TMEM135: variants seen among roughly 807,000 people sequenced by gnomAD.
TMEM135 encodes peroxisomal membrane protein 52.
In TMEM135, 30 loss-of-function variants were observed where a neutral mutation model predicts 60.3. The ratio of observed to expected loss-of-function variants is 0.50; its 90% CI spans 0.37 to 0.68. The LOEUF (loss-of-function observed/expected upper bound fraction) is 0.68, where lower values mean the gene tolerates loss of function less well. Ranked by LOEUF, TMEM135 falls within the 30% of genes least tolerant of loss-of-function variation. The pLI is 0.00. For missense variants in TMEM135, 468 were observed against 548.8 expected (o/e 0.85, Z 1.47); for synonymous variants, 190 against 186.7 (o/e 1.02, Z -0.14).
intron 5 of TMEM135, among the ~76,000 whole-genome samples, chr11:87,175,194 A>T (rs1383791604): frequency 6.6e-6 from 1 of 152,200 alleles, no homozygotes; most frequent in African/African-American, 2.4e-5. Flanking sequence ...ACAACATATT[A>T]TATTTTGGCA....
intron 5 of TMEM135, among the ~76,000 whole-genome samples, chr11:87,180,850 T>A (rs896845131): frequency 3.3e-5 from 5 of 152,200 alleles, no homozygotes; most frequent in African/African-American, 1.2e-4. Context: ...GCCTTTAGCA[T>A]GACCAAGAGT....
intron 4 of TMEM135, among the ~76,000 whole-genome samples, chr11:87,147,286 A>G (rs1192781763): frequency 6.6e-6 from 1 of 152,170 alleles, no homozygotes; most frequent in African/African-American, 2.4e-5. Context: ...TCGTGCCACT[A>G]CACTCCAGCC....
intron 5 of TMEM135, among the ~76,000 whole-genome samples, chr11:87,228,416 G>A (rs1940813028): frequency 6.6e-6 from 1 of 152,160 alleles, no homozygotes; most frequent in South Asian, 2.1e-4. Flanking sequence ...ATTAATTTTT[G>A]TTGAATGGAT....
intron 5 of TMEM135, among the ~76,000 whole-genome samples, chr11:87,193,101 T>G (rs570748146): frequency 6.6e-6 from 1 of 150,840 alleles, no homozygotes; most frequent in Non-Finnish European, 1.5e-5. Context: ...GGTGACTCCA[T>G]CTCAAAAAAA....
chr11:87,313,595 A>T, intron 11 of TMEM135, 107 bp downstream of exon 11: 2 of 992,756 alleles, frequency 2.0e-6, no homozygotes, highest in Admixed American at 1.9e-5. Flanking sequence ...TCCTTTCTCT[A>T]TCGTAATAGA....
At chr11:87,290,957 GA>G (rs1009952575) in intron 6 of TMEM135, among the ~76,000 whole-genome samples, 4 of 152,130 alleles carry the variant, frequency 2.6e-5, no homozygotes, top group African/African-American at 9.7e-5. Flanking sequence ...CTTTATATTA[GA>G]AAAGAATGTG....
At chr11:87,155,969 A>AAT (rs1938684275) in intron 4 of TMEM135, among the ~76,000 whole-genome samples, 1 of 152,194 alleles carries the variant, frequency 6.6e-6, no homozygotes, top group African/African-American at 2.4e-5. Flanking sequence ...GACAGTATGT[A>AAT]CTGTTTCTAG....
At chr11:87,212,705 C>T (rs1313347071) in intron 5 of TMEM135, among the ~76,000 whole-genome samples, 1 of 151,780 alleles carries the variant, frequency 6.6e-6, no homozygotes, top group Admixed American at 6.6e-5. Flanking sequence ...TGCTTGTGGT[C>T]CCAGCTACTC....
chr11:87,297,405 C>T (rs1353253161), intron 7 of TMEM135, among the ~76,000 whole-genome samples: 3 of 152,106 alleles, frequency 2.0e-5, no homozygotes, highest in Admixed American at 2.0e-4. Flanking sequence ...AGTCATAATA[C>T]ACAACACTAA....
At chr11:87,135,322 G>A (rs1938058917) in intron 4 of TMEM135, among the ~76,000 whole-genome samples, 1 of 151,882 alleles carries the variant, frequency 6.6e-6, no homozygotes, top group Non-Finnish European at 1.5e-5. Context: ...GGTCATAAGA[G>A]TTTCTGCTAT....
Position 87,328,601 on chromosome 11 carries a change from T to A in TMEM135, c.*7268T>A. On this transcript the variant is annotated 3_prime_UTR_variant, in exon 15 of 15. Coordinates refer to ENST00000305494, the MANE Select transcript of TMEM135 (RefSeq NM_022918.4). ...CAGTTGAGAACATACAGAATTTGAT[T>A]TTCTATTCCGGAGTTACTTTACTTA... 2.2e-6 allele frequency: 1 copy of A among 454,070 alleles called. No individual in the cohort carries two copies. Among genetic ancestry groups the A allele is most frequent in the Non-Finnish European group, 4.4e-6 (1 of 226,770 alleles). The allele number at this position is 454,070 out of a possible 1,614,324, so 28.1% of individuals were successfully genotyped here.
chr11:87,166,091 A>G (rs1398995185), intron 5 of TMEM135, among the ~76,000 whole-genome samples: 1 of 151,510 alleles, frequency 6.6e-6, no homozygotes, highest in African/African-American at 2.4e-5. Flanking sequence ...AATTGTGGCA[A>G]TAATCAATAG....
At chr11:87,178,344 G>GCCACAATCTA (rs1249507478) in intron 5 of TMEM135, 1 of 449,368 alleles carries the variant, frequency 2.2e-6, no homozygotes, top group African/African-American at 2.0e-5. Context: ...TTTTTATTAT[G>GCCACAATCTA]CCACAATCTA....
At chr11:87,170,351 G>C (rs1939200023) in intron 5 of TMEM135, among the ~76,000 whole-genome samples, 1 of 152,046 alleles carries the variant, frequency 6.6e-6, no homozygotes, top group African/African-American at 2.4e-5. Context: ...TGATCCTTTG[G>C]AGGAGAAGAG....
chr11:87,219,693 C>T (rs1411189972), intron 5 of TMEM135, among the ~76,000 whole-genome samples: 3 of 152,110 alleles, frequency 2.0e-5, no homozygotes, highest in Non-Finnish European at 4.4e-5. Flanking sequence ...AGGGCTTTAA[C>T]ATATGAATTT....
intron 4 of TMEM135, among the ~76,000 whole-genome samples, chr11:87,100,800 T>C: frequency 6.6e-6 from 1 of 152,018 alleles, no homozygotes; most frequent in Non-Finnish European, 1.5e-5. Context: ...AGGTGGAGGT[T>C]GCAGTAAGCC....
At chr11:87,282,555 C>T (rs1315433513) in intron 6 of TMEM135, among the ~76,000 whole-genome samples, 3 of 152,198 alleles carry the variant, frequency 2.0e-5, no homozygotes, top group Non-Finnish European at 4.4e-5. Flanking sequence ...CGTGAGCCAC[C>T]GCATCCGGCC....
chr11:87,242,672 A>G (rs1275904622), intron 6 of TMEM135, among the ~76,000 whole-genome samples: 4 of 143,778 alleles, frequency 2.8e-5, no homozygotes, highest in Non-Finnish European at 4.6e-5. Context: ...GTCTGTTGAT[A>G]TCCTTTGCCC....
chr11:87,171,338 GT>G (rs199500975), intron 5 of TMEM135, among the ~76,000 whole-genome samples: 9,112 of 115,752 alleles, frequency 0.079, 386 homozygotes, highest in East Asian at 0.33. Flanking sequence ...ACAGTGTAGT[GT>G]TTTTTTTTTT....
Sources: allele counts gnomAD v4.1 joint callset (sites outside exome capture counted in the v4.1 genomes callset), GRCh38; gene constraint gnomAD v4.1.1; transcripts MANE v1.5; gene names NCBI Gene and HGNC (gene_info 2026-07-23, HGNC 2026-07-21).